Variants in ADAMTS16 observed in about 807,000 individuals in gnomAD.
The protein encoded by ADAMTS16 is ADAM metallopeptidase with thrombospondin type 1 motif 16.
ADAMTS16 carries 94 observed loss-of-function variants against 145.8 expected under a neutral mutation model. The ratio of observed to expected loss-of-function variants is 0.64; its 90% CI spans 0.55 to 0.77. The LOEUF is 0.77. Among genes scored for constraint, ADAMTS16 ranks in the 30% least tolerant of loss-of-function variants. The pLI, the probability that ADAMTS16 is intolerant of heterozygous loss-of-function variation, is 0.00. For synonymous variants in ADAMTS16, 659 were observed against 604.3 expected (o/e 1.09, Z -1.33); for missense variants, 1,585 against 1,591.5 (o/e 1.00, Z 0.07).
In ADAMTS16 at chr5:5,282,171, G is replaced by C. The variant is rs527921294; in HGVS notation, c.2789+19388G>C. Reference sequence around the variant, plus strand: ...GTAGTGATCATGGCCGTTCATTGTAGCATCTTGCCAGACACATTGATTTGT... The same window carrying C: ...GTAGTGATCATGGCCGTTCATTGTACCATCTTGCCAGACACATTGATTTGT... On this transcript the variant is annotated intron_variant, in intron 18 of 22. Transcript: ENST00000274181. Among the ~76,000 whole-genome samples, 15 of 152,242 alleles carry C rather than the reference G, an allele frequency of 9.9e-5. No homozygotes were observed. In the East Asian group the frequency reaches 2.9e-3, roughly 29 times the overall value.
At chr5:5,222,739 G>T (rs1736642190) in intron 10 of ADAMTS16, 50 bp from the exon 11 acceptor site, 1 of 1,420,400 alleles carries the variant, frequency 7.0e-7, no homozygotes, top group Non-Finnish European at 9.9e-7. Context: ...TATTATAGAT[G>T]AATTGACAAT....
At chr5:5,305,013 CCACACACA>C (rs746640387) in intron 20 of ADAMTS16, among the ~76,000 whole-genome samples, 2 of 71,672 alleles carry the variant, frequency 2.8e-5, no homozygotes, top group African/African-American at 5.3e-5. Context: ...ACATCCCACA[CCACACACA>C]CACACACACA....
rs1275475879 is a variant in ADAMTS16 at position 5,303,352 on chromosome 5, G to A, written c.2874G>A (p.Val958=). 6.2e-7 allele frequency: 1 copy of A among 1,603,058 alleles called. No homozygotes were observed. The highest frequency in any genetic ancestry group is 8.5e-7 in the Non-Finnish European group (1 of 1,175,922). Residue 958 remains valine, a synonymous_variant, in exon 19 of 23, where the codon GTG becomes GTA. Coordinates refer to ENST00000274181, the MANE Select transcript of ADAMTS16 (RefSeq NM_139056.4). ...GCCCCGTGCAGTGCACACGGCGGGT[G>A]CACTATGACTCGGAGCCAGTCCCGG... ...QSRPVQCTRR[V]HYDSEPVPAS...
chr5:5,248,529 G>A (rs1014484089), intron 17 of ADAMTS16, among the ~76,000 whole-genome samples: 4 of 152,118 alleles, frequency 2.6e-5, no homozygotes, highest in East Asian at 1.9e-4. Flanking sequence ...ATTGGCCTGC[G>A]TGATTCTGGC....
rs755677496 is a variant in ADAMTS16 at position 5,222,790 on chromosome 5, A to T, written c.1607A>T (p.Asp536Val). 6.2e-7 allele frequency: 1 copy of T among 1,613,888 alleles called. No homozygotes were observed. The highest frequency in any genetic ancestry group is 1.7e-5 in the Admixed American group (1 of 60,004). The change falls in exon 11 of 23, where the codon GAC becomes GTC. Residue 536 changes from aspartate to valine, a missense_variant and splice_region_variant. Transcript: ENST00000274181. ...TGACCTTTTACAAAATTTCTTTAGG[A>T]CATCTGTAAAGCCCTGTGGTGCCAT... is the stretch of plus-strand genomic sequence containing the variant. Reference protein sequence around the residue: ...AKLCMLDFKKDICKALWCHRI... With the variant: ...AKLCMLDFKKVICKALWCHRI...
At chr5:5,164,485 A>C (rs1192104694) in intron 3 of ADAMTS16, among the ~76,000 whole-genome samples, 1 of 152,044 alleles carries the variant, frequency 6.6e-6, no homozygotes, top group African/African-American at 2.4e-5. Flanking sequence ...CAGCCTTCTG[A>C]GTCTTTGTGC....
intron 18 of ADAMTS16, among the ~76,000 whole-genome samples, chr5:5,267,089 C>A (rs1173888856): frequency 6.6e-6 from 1 of 152,136 alleles, no homozygotes; most frequent in Admixed American, 6.5e-5. Context: ...TTCCCCCTCG[C>A]AGGGTGTGCG....
At chr5:5,166,103 T>A (rs1422500272) in intron 3 of ADAMTS16, among the ~76,000 whole-genome samples, 3 of 152,182 alleles carry the variant, frequency 2.0e-5, no homozygotes, top group Non-Finnish European at 4.4e-5. Context: ...AACTCTAAAA[T>A]ATCTCTTTTT....
chr5:5,305,065 AC>A (rs1740008587), intron 20 of ADAMTS16, among the ~76,000 whole-genome samples: 5 of 87,088 alleles, frequency 5.7e-5, no homozygotes, highest in East Asian at 3.6e-4. Flanking sequence ...ATCCCACACC[AC>A]ACACACACAC....
At chr5:5,157,874 C>T (rs1272384699) in intron 3 of ADAMTS16, among the ~76,000 whole-genome samples, 1 of 152,118 alleles carries the variant, frequency 6.6e-6, no homozygotes, top group South Asian at 2.1e-4. Context: ...CAAGTTGTGC[C>T]CTGTGGAACT....
intron 17 of ADAMTS16, among the ~76,000 whole-genome samples, chr5:5,252,523 G>A (rs770577942): frequency 6.6e-6 from 1 of 152,196 alleles, no homozygotes; most frequent in East Asian, 1.9e-4. Flanking sequence ...GGCTTCCCTG[G>A]AGAACTCCCA....
intron 21 of ADAMTS16, among the ~76,000 whole-genome samples, chr5:5,308,702 A>C (rs991091954): frequency 5.3e-5 from 8 of 152,170 alleles, no homozygotes; most frequent in Non-Finnish European, 8.8e-5. Flanking sequence ...TAATCCCAGC[A>C]CTTTGGGAGG....
Position 5,200,132 on chromosome 5 carries a change from C to T in ADAMTS16, c.1314C>T (p.Asn438=). ...ATCTCTCTCTCTCTCTCTCTCATAG[C>T]TTTGGCATGATTCATGATGGAGAAG... is the stretch of plus-strand genomic sequence containing the variant. ...AFTIAHESGH[N]FGMIHDGEGN... The change falls in exon 9 of 23, where the codon AAC becomes AAT. Residue 438 remains asparagine, a splice_region_variant and synonymous_variant. Transcript: ENST00000274181. 1.2e-6 allele frequency: 2 copies of T among 1,600,382 alleles called. No individual in the cohort carries two copies. Among genetic ancestry groups the T allele is most frequent in the East Asian group, 2.3e-5 (1 of 44,416 alleles).
intron 3 of ADAMTS16, among the ~76,000 whole-genome samples, chr5:5,172,770 G>T (rs988584560): frequency 6.6e-6 from 1 of 152,122 alleles, no homozygotes; most frequent in Non-Finnish European, 1.5e-5. Context: ...AGTCTATAAT[G>T]CAGATTAATT....
chr5:5,312,548 T>C (rs1484359470), intron 21 of ADAMTS16, among the ~76,000 whole-genome samples: 1 of 151,238 alleles, frequency 6.6e-6, no homozygotes, highest in Non-Finnish European at 1.5e-5. Context: ...TCCAGGTTCA[T>C]GCAATTCTCC....
chr5:5,250,707 C>CTG (rs763835441), intron 17 of ADAMTS16, among the ~76,000 whole-genome samples: 3,811 of 148,654 alleles, frequency 0.026, 196 homozygotes, highest in African/African-American at 0.09. Context: ...TGTCTCTTCT[C>CTG]TCTGTGTGTG....
chr5:5,215,732 G>GTA (rs1277379881), intron 10 of ADAMTS16, among the ~76,000 whole-genome samples: 22 of 135,416 alleles, frequency 1.6e-4, no homozygotes, highest in East Asian at 4.4e-4. Flanking sequence ...TATATATGTG[G>GTA]TATATATATA....
intron 2 of ADAMTS16, among the ~76,000 whole-genome samples, chr5:5,144,217 C>T (rs1389234307): frequency 2.0e-5 from 3 of 152,200 alleles, no homozygotes; most frequent in Non-Finnish European, 4.4e-5. Flanking sequence ...TCTTCCTACC[C>T]CCCTCTGCCT....
chr5:5,304,668 T>C (rs536740146), intron 20 of ADAMTS16, among the ~76,000 whole-genome samples: 41 of 152,204 alleles, frequency 2.7e-4, no homozygotes, highest in South Asian at 6.2e-4. Context: ...AAGCAAGGCA[T>C]TGAATCCTGT....
Sources: gnomAD v4.1 joint callset for allele counts (sites outside exome capture counted in the v4.1 genomes callset) on GRCh38, gnomAD v4.1.1 for gene constraint, MANE v1.5 for transcripts, NCBI Gene and HGNC (gene_info 2026-07-23, HGNC 2026-07-21) for gene names.